Variants in STX8 observed in about 807,000 individuals in gnomAD.
STX8 encodes the protein syntaxin 8.
Under a neutral mutation model 37.5 loss-of-function variants are expected in STX8, and 23 were observed. That is an observed-to-expected ratio of 0.61 (90% CI 0.44 to 0.87). The LOEUF is 0.87. STX8 is among the 40% of genes least tolerant of loss of function. The probability of loss-of-function intolerance (pLI) is 0.00; values close to 1 mark genes in which losing one functional copy is unlikely to be tolerated. For synonymous variants in STX8, 115 were observed against 99.1 expected (o/e 1.16, Z -0.95); for missense variants, 313 against 284.7 (o/e 1.10, Z -0.71).
At chr17:9,310,398 A>G (rs1353604147) in intron 7 of STX8, among the ~76,000 whole-genome samples, 2 of 152,224 alleles carry the variant, frequency 1.3e-5, no homozygotes, top group Non-Finnish European at 2.9e-5. Flanking sequence ...TTGATAGAAT[A>G]AAACACATCT....
intron 6 of STX8, among the ~76,000 whole-genome samples, chr17:9,455,203 T>TA (rs1185099545): frequency 1.5e-5 from 2 of 137,690 alleles, no homozygotes; most frequent in Non-Finnish European, 3.2e-5. Context: ...CCCTGTCTCT[T>TA]AAAAAACAAA....
chr17:9,559,759 TA>T (rs1324115300), intron 2 of STX8, among the ~76,000 whole-genome samples: 23 of 54,470 alleles, frequency 4.2e-4, no homozygotes, highest in African/African-American at 1.7e-3. Context: ...TATATATATA[TA>T]TTTTTTTTTT....
intron 6 of STX8, among the ~76,000 whole-genome samples, chr17:9,442,350 T>C (rs1904693918): frequency 1.3e-5 from 2 of 152,196 alleles, no homozygotes; most frequent in Non-Finnish European, 2.9e-5. Flanking sequence ...GGTTTCCCTG[T>C]CTACCATCCC....
At chr17:9,570,661 A>C (rs1907655740) in intron 1 of STX8, among the ~76,000 whole-genome samples, 1 of 152,098 alleles carries the variant, frequency 6.6e-6, no homozygotes, top group African/African-American at 2.4e-5. Flanking sequence ...GCCACATTTC[A>C]CTTTTTTTTC....
intron 6 of STX8, among the ~76,000 whole-genome samples, chr17:9,476,786 C>T (rs1451481220): frequency 6.6e-6 from 1 of 151,924 alleles, no homozygotes; most frequent in Non-Finnish European, 1.5e-5. Flanking sequence ...CTTTCCTTGG[C>T]TTGTCTTCTC....
At chr17:9,273,838 G>A (rs1049213685) in intron 7 of STX8, among the ~76,000 whole-genome samples, 3 of 152,170 alleles carry the variant, frequency 2.0e-5, no homozygotes, top group African/African-American at 7.2e-5. Flanking sequence ...GTGTGTTTGC[G>A]TGGCAGGCCT....
intron 7 of STX8, among the ~76,000 whole-genome samples, chr17:9,367,048 T>C (rs996936048): frequency 1.3e-5 from 2 of 152,170 alleles, no homozygotes; most frequent in Non-Finnish European, 1.5e-5. Flanking sequence ...TGGTTTCTGA[T>C]ACTTTACTGG....
chr17:9,400,060 T>A (rs1191561060), intron 6 of STX8, among the ~76,000 whole-genome samples: 2 of 151,884 alleles, frequency 1.3e-5, no homozygotes, highest in African/African-American at 2.4e-5. Flanking sequence ...CTTGGGGGCT[T>A]CTGCATAGGC....
chr17:9,309,513 C>A (rs1234035814), intron 7 of STX8, among the ~76,000 whole-genome samples: 1 of 152,096 alleles, frequency 6.6e-6, no homozygotes, highest in African/African-American at 2.4e-5. Context: ...CACTCGGAGG[C>A]CTTATGAAAT....
intron 3 of STX8, among the ~76,000 whole-genome samples, chr17:9,547,964 TG>T (rs1906614870): frequency 6.6e-6 from 1 of 151,838 alleles, no homozygotes; most frequent in African/African-American, 2.4e-5. Flanking sequence ...CTAATTTTTG[TG>T]GGTTTTTTTG....
chr17:9,543,438 T>C (rs1906367473), intron 4 of STX8, among the ~76,000 whole-genome samples: 1 of 151,854 alleles, frequency 6.6e-6, no homozygotes, highest in Admixed American at 6.6e-5. Flanking sequence ...GGACTACAGG[T>C]GCCCGCCACC....
At chr17:9,460,860 C>T (rs966761961) in intron 6 of STX8, among the ~76,000 whole-genome samples, 4 of 151,968 alleles carry the variant, frequency 2.6e-5, no homozygotes, top group African/African-American at 9.7e-5. Context: ...CTTAGATTGC[C>T]TCAGCCTCAC....
chr17:9,538,502 CT>C (rs1408889766), intron 4 of STX8, among the ~76,000 whole-genome samples: 1 of 152,124 alleles, frequency 6.6e-6, no homozygotes, highest in Non-Finnish European at 1.5e-5. Context: ...GTAAATTTTT[CT>C]TTTGCCCATC....
chr17:9,561,550 T>C (rs1173280104), intron 2 of STX8, among the ~76,000 whole-genome samples: 1 of 151,002 alleles, frequency 6.6e-6, no homozygotes, highest in Non-Finnish European at 1.5e-5. Flanking sequence ...TCCCAGCTAC[T>C]TGGGACGCTG....
intron 3 of STX8, chr17:9,556,887 C>A (rs73975726): frequency 0.059 from 8,894 of 150,084 alleles, 392 homozygotes; most frequent in African/African-American, 0.12. Context: ...CCCACCCCTT[C>A]CCCTCACACT....
chr17:9,387,140 A>G (rs928857054), intron 6 of STX8, among the ~76,000 whole-genome samples: 47 of 152,200 alleles, frequency 3.1e-4, no homozygotes, highest in African/African-American at 1.0e-3. Flanking sequence ...CAAACGCTCA[A>G]AGGAAGTGAT....
chr17:9,560,747 G>GT (rs11306412), intron 2 of STX8, among the ~76,000 whole-genome samples: 35 of 147,398 alleles, frequency 2.4e-4, no homozygotes, highest in African/African-American at 4.0e-4. Flanking sequence ...GCACAGTTTG[G>GT]TTTTTTTTTT....
At chr17:9,268,628 G>T (rs1166957424) in intron 7 of STX8, among the ~76,000 whole-genome samples, 1 of 152,170 alleles carries the variant, frequency 6.6e-6, no homozygotes, top group South Asian at 2.1e-4. Flanking sequence ...CCTTCACATA[G>T]GGAGGCTGCC....
chr17:9,325,609 C>T (rs377728307), intron 7 of STX8, among the ~76,000 whole-genome samples: 27 of 152,294 alleles, frequency 1.8e-4, no homozygotes, highest in Non-Finnish European at 3.4e-4. Flanking sequence ...ATGGGCTGCG[C>T]GAATTACATA....
Sources: allele counts gnomAD v4.1 joint callset (sites outside exome capture counted in the v4.1 genomes callset), GRCh38; gene constraint gnomAD v4.1.1; transcripts MANE v1.5; gene names NCBI Gene and HGNC (gene_info 2026-07-23, HGNC 2026-07-21).